The following CLTCL1 variants were observed in gnomAD, a reference collection of about 807,000 sequenced individuals.
CLTCL1 encodes the protein clathrin heavy chain like 1, also known as clathrin heavy chain 2.
CLTCL1 carries 159 observed loss-of-function variants against 190.0 expected under a neutral mutation model. The observed-to-expected ratio is 0.84, with a 90% CI of 0.74 to 0.95. The LOEUF (loss-of-function observed/expected upper bound fraction) is 0.95, where lower values mean the gene tolerates loss of function less well. Ranked by LOEUF, CLTCL1 falls within the 40% of genes least tolerant of loss-of-function variation. CLTCL1 has a pLI of 0.00. For synonymous variants in CLTCL1, 752 were observed against 769.6 expected (o/e 0.98, Z 0.38); for missense variants, 1,878 against 2,033.4 (o/e 0.92, Z 1.47).
chr22:19,208,707 C>A (rs193009203), intron 21 of CLTCL1, among the ~76,000 whole-genome samples: 101 of 151,766 alleles, frequency 6.7e-4, no homozygotes, highest in Non-Finnish European at 1.1e-3. Flanking sequence ...ATGACCTCAT[C>A]TTGTAAAGGA....
rs781805918 is a variant in CLTCL1 at position 19,196,653 on chromosome 22, G to A, written c.3877C>T (p.Arg1293Cys). The change falls in exon 25 of 33, where the codon CGT (arginine) becomes TGT (cysteine). Residue 1293 changes from arginine (R) to cysteine (C), a missense_variant. Arg to Cys is a radical substitution (Grantham distance 180). Coordinates refer to ENST00000427926, the MANE Select transcript of CLTCL1 (RefSeq NM_007098.4). ...LEELMCYYQD[R>C]GYFEELILLL... is the part of the protein sequence containing the mutation. ...AAGATCAGCTCCTCAAAGTAGCCAC[G>A]ATCCTAGCAGACCAACAGCCACGCG... The A allele has an allele frequency of 9.9e-6, 16 of 1,611,674 alleles. No individual in the cohort carries two copies. Among genetic ancestry groups the A allele is most frequent in the South Asian group, 2.2e-5 (2 of 90,718 alleles).
chr22:19,275,514 C>T, intron 2 of CLTCL1, 109 bp downstream of exon 2: 4 of 1,180,504 alleles, frequency 3.4e-6, no homozygotes. Flanking sequence ...AAGTGGAATA[C>T]TATTGAGGAG....
intron 29 of CLTCL1, chr22:19,183,832 C>T (rs1633405): frequency 0.063 from 35,951 of 566,294 alleles, 1,331 homozygotes; most frequent in Middle Eastern, 0.11. Flanking sequence ...AGGTGGCTCA[C>T]GGAGGCGCAG....
At chr22:19,211,785 A>C (rs1463319490) in intron 19 of CLTCL1, among the ~76,000 whole-genome samples, 2 of 132,342 alleles carry the variant, frequency 1.5e-5, no homozygotes, top group Non-Finnish European at 3.4e-5. Flanking sequence ...AAAAAAAAAC[A>C]AAAACAAAAC....
intron 2 of CLTCL1, among the ~76,000 whole-genome samples, chr22:19,272,184 T>A (rs1057327428): frequency 6.6e-6 from 1 of 152,150 alleles, no homozygotes; most frequent in African/African-American, 2.4e-5. Context: ...GTTAAGGTGT[T>A]CCACTAAAAT....
intron 3 of CLTCL1, among the ~76,000 whole-genome samples, chr22:19,249,498 G>C (rs1182274077): frequency 6.6e-6 from 1 of 151,926 alleles, no homozygotes; most frequent in African/African-American, 2.4e-5. Context: ...TTTGAGACCA[G>C]CCTGGCCAAC....
chr22:19,239,359 T>C lies in CLTCL1; in HGVS notation c.711A>G (p.Ala237=). The C allele has an allele frequency of 6.2e-7, 1 of 1,614,032 alleles. No homozygotes were observed. The highest frequency in any genetic ancestry group is 8.5e-7 in the Non-Finnish European group (1 of 1,179,882). ...KLHIIEVGQP[A]AGNQPFVKKA... ...TCTTTACAAAAGGTTGGTTTCCCGC[T>C]GCAGGCTGTCCAACTTCAATGATGT... The change falls in exon 5 of 33, where the codon GCA becomes GCG. Residue 237 remains alanine, a synonymous_variant. Transcript: ENST00000427926.
chr22:19,208,244 C>T lies in CLTCL1; in HGVS notation c.3510G>A (p.Glu1170=), dbSNP rs2085112536. ...ARKKGRESYI[E]TELIFALAKT... is the part of the protein sequence containing the mutation. ...TAGCCAAGGCAAAAATAAGTTCAGT[C>T]TCTATATAGGACTCACGGCCCTTTT... The change falls in exon 22 of 33, where the codon GAG becomes GAA. Residue 1170 remains glutamate (E), a synonymous_variant. Transcript: ENST00000427926. The T allele has an allele frequency of 1.2e-6, 2 of 1,613,808 alleles. No homozygotes were observed. Among genetic ancestry groups the T allele is most frequent in the South Asian group, 2.2e-5 (2 of 91,070 alleles).
At chr22:19,202,420 C>CCCCTACCACCCCTCCTT (rs1555940290) in intron 22 of CLTCL1, among the ~76,000 whole-genome samples, 1 of 151,644 alleles carries the variant, frequency 6.6e-6, no homozygotes. Flanking sequence ...CACGGCACCT[C>CCCCTACCACCCCTCCTT]CCGCACCACC....
intron 24 of CLTCL1, 122 bp from the exon 25 acceptor site, chr22:19,196,778 T>C: frequency 8.7e-7 from 1 of 1,151,800 alleles, no homozygotes; most frequent in Non-Finnish European, 1.2e-6. Flanking sequence ...AGGAGGCATG[T>C]GTGAAGAAAA....
In CLTCL1 at chr22:19,229,922, T is replaced by A. The variant is rs782249460; in HGVS notation, c.1698A>T (p.Leu566Phe). ...NSLIQQCTSFLLDALKNNRPA... is the reference protein window; with the variant it reads ...NSLIQQCTSFFLDALKNNRPA... ...GGCGATTATTCTTCAAGGCATCCAATAAGAAGGAAGTACACTGCTGAATTA... is the reference window on the plus strand; with the variant it reads ...GGCGATTATTCTTCAAGGCATCCAAAAAGAAGGAAGTACACTGCTGAATTA... Residue 566 changes from leucine to phenylalanine, a missense_variant, in exon 11 of 33, where the codon TTA becomes TTT. Leu to Phe is a conservative substitution (Grantham distance 22). Coordinates refer to ENST00000427926, the MANE Select transcript of CLTCL1 (RefSeq NM_007098.4). 6.2e-7 allele frequency: 1 copy of A among 1,611,274 alleles called. No homozygotes were observed. The highest frequency in any genetic ancestry group is 1.1e-5 in the South Asian group (1 of 90,386).
chr22:19,183,488 G>C lies in CLTCL1; in HGVS notation c.4729C>G (p.Leu1577Val). 1.2e-6 allele frequency: 2 copies of C among 1,610,118 alleles called. No homozygotes were observed. The highest frequency in any genetic ancestry group is 1.7e-6 in the Non-Finnish European group (2 of 1,179,780). The change falls in exon 30 of 33, where the codon CTT becomes GTT. Residue 1577 changes from leucine to valine, a missense_variant. Leu to Val is a conservative substitution (Grantham distance 32). Coordinates refer to ENST00000427926, the MANE Select transcript of CLTCL1 (RefSeq NM_007098.4). ...AGCTCAAGCACCATGTCTGGGCGAA[G>C]CAGGTCATAGCAGGTGAAGAGACAA... The part of the protein sequence containing the change: ...AACLFTCYDL[L>V]RPDMVLELAW...
intron 29 of CLTCL1, 33 bp downstream of exon 29, chr22:19,187,525 G>T (rs782801230): frequency 6.3e-7 from 1 of 1,592,996 alleles, no homozygotes; most frequent in Admixed American, 1.7e-5. Context: ...ACCAAGGCAG[G>T]AAGGTGGGAG....
chr22:19,183,092 G>C (rs188267174), intron 30 of CLTCL1: 1 of 374,662 alleles, frequency 2.7e-6, no homozygotes. Context: ...GGCTGGGGAT[G>C]AGCACGCCTG....
chr22:19,210,394 T>G lies in CLTCL1; in HGVS notation c.3181A>C (p.Ser1061Arg), dbSNP rs563873320. 14 of 1,614,052 alleles carry G rather than the reference T, an allele frequency of 8.7e-6. No individual in the cohort carries two copies. The highest frequency in any genetic ancestry group is 1.2e-5 in the Non-Finnish European group (14 of 1,179,894). The change falls in exon 20 of 33, where the codon AGC becomes CGC. Residue 1061 changes from serine (S) to arginine (R), a missense_variant. Physicochemically the swap from Ser to Arg is moderately radical, Grantham distance 110. Coordinates refer to ENST00000427926, the MANE Select transcript of CLTCL1 (RefSeq NM_007098.4). ...AAGGCCTCCTCATACAGTGCGCTGC[T>G]GACAGCGATGCTCGCGATGTCCAGT... ...DALDIASIAV[S>R]SALYEEAFTV...
chr22:19,208,076 T>C (rs908508595), intron 22 of CLTCL1, 78 bp downstream of exon 22: 2 of 1,570,888 alleles, frequency 1.3e-6, no homozygotes, highest in South Asian at 2.2e-5. Context: ...CCAAAACAGC[T>C]CGGGACTGCT....
chr22:19,245,142 G>C (rs1461629866), intron 3 of CLTCL1, among the ~76,000 whole-genome samples: 5 of 150,488 alleles, frequency 3.3e-5, no homozygotes, highest in Non-Finnish European at 7.4e-5. Context: ...CAAATGCTTA[G>C]ACAGGGTTGG....
chr22:19,195,865 A>C, intron 26 of CLTCL1, among the ~76,000 whole-genome samples: 1 of 152,154 alleles, frequency 6.6e-6, no homozygotes, highest in East Asian at 1.9e-4. Context: ...ACTAAAAAAA[A>C]AAAAGGTCCG....
rs368178005 is a variant in CLTCL1 at position 19,226,208 on chromosome 22, G to T, written c.1947+11C>A. ...ACAGCCATAATAGGAGTGCCCAGGGGTACACAGTACCTCGGGATTGAGGAG... is the reference window on the plus strand; with the variant it reads ...ACAGCCATAATAGGAGTGCCCAGGGTTACACAGTACCTCGGGATTGAGGAG... On this transcript the variant is annotated intron_variant, in intron 12 of 32. Transcript: ENST00000427926. The T allele has an allele frequency of 3.1e-6, 5 of 1,612,754 alleles. No homozygotes were observed. In the African/African-American group the frequency reaches 5.3e-5, roughly 17 times the overall value.
Sources: gnomAD v4.1 joint callset for allele counts (sites outside exome capture counted in the v4.1 genomes callset) on GRCh38, gnomAD v4.1.1 for gene constraint, MANE v1.5 for transcripts, NCBI Gene and HGNC (gene_info 2026-07-23, HGNC 2026-07-21) for gene names.